Variants in RPS7 observed in about 807,000 individuals in gnomAD.
RPS7 encodes small ribosomal subunit protein eS7.
Under a neutral mutation model 22.1 loss-of-function variants are expected in RPS7, and 1 was observed. The observed-to-expected ratio is 0.05, with a 90% CI of 0.02 to 0.21. RPS7 has a LOEUF of 0.21. Among genes scored for constraint, RPS7 ranks in the 10% least tolerant of loss-of-function variants. The pLI is 1.00. For missense variants in RPS7, 137 were observed against 246.4 expected, an observed-to-expected ratio of 0.56 and a Z score of 2.97; for synonymous variants, 80 against 92.0, an observed-to-expected ratio of 0.87 and a Z score of 0.74.
chr2:3,580,765 T>G (rs1490772060), intron 6 of RPS7, 40 bp from the exon 7 acceptor site: 1 of 1,219,440 alleles, frequency 8.2e-7, no homozygotes, highest in Non-Finnish European at 1.2e-6. Context: ...GCTGAGTGTG[T>G]ATTTCAAAGT....
rs2147819351 is a variant in RPS7 at position 3,575,896 on chromosome 2, G to A, written c.147+8G>A. 1 of 1,600,682 alleles carries A rather than the reference G, an allele frequency of 6.2e-7. No individual in the cohort carries two copies. Among genetic ancestry groups the A allele is most frequent in the South Asian group, 1.1e-5 (1 of 90,048 alleles). On this transcript the variant is annotated splice_region_variant and intron_variant, in intron 3 of 6. Coordinates refer to ENST00000645674, the MANE Select transcript of RPS7 (RefSeq NM_001011.4). ...AATATTACGGCAGCTAAGGTAAGCT[G>A]GCGCTCCCTCGGCTGGGAGGGAGGT... is the stretch of plus-strand genomic sequence containing the variant.
At chr2:3,576,734 T>G in intron 4 of RPS7, 104 bp downstream of exon 4, 1 of 1,305,076 alleles carries the variant, frequency 7.7e-7, no homozygotes. Context: ...AATCCTTTTA[T>G]GAATCCAATT....
At chr2:3,579,871 G>C in intron 5 of RPS7, 1 of 584,364 alleles carries the variant, frequency 1.7e-6, no homozygotes, top group Non-Finnish European at 3.0e-6. Flanking sequence ...GTTTATCCCA[G>C]AGTAACATTT....
chr2:3,578,599 G>A (rs1262880138), intron 5 of RPS7: 1 of 152,080 alleles, frequency 6.6e-6, no homozygotes, highest in East Asian at 1.9e-4. Flanking sequence ...TTATTGTGTC[G>A]AGCTGTGGTA....
chr2:3,576,885 A>G lies in RPS7; in HGVS notation c.291+255A>G, dbSNP rs150144554. 1.5e-3 allele frequency: 807 copies of G among 523,646 alleles called. 6 individuals are homozygous for G. The highest frequency in any genetic ancestry group is 0.014 in the African/African-American group (719 of 52,406). The allele number at this position is 523,646 out of a possible 1,614,324, so 32.4% of individuals were successfully genotyped here. A position where few individuals can be genotyped will look rare whatever the true frequency, so the allele number is the denominator to read the frequency against. ...CTGTCTACAAAAAATAGAAAAAATA[A>G]GTTTTAAAAAGAAAGATAAAGTACG... On this transcript the variant is annotated intron_variant, in intron 4 of 6. Transcript: ENST00000645674.
rs1334571794 is a variant in RPS7, at chr2:3,575,847, C to G, written c.106C>G (p.Leu36Val). The G allele has an allele frequency of 6.2e-7, 1 of 1,612,004 alleles. No individual in the cohort carries two copies. Residue 36 changes from leucine (L) to valine (V), a missense_variant, in exon 3 of 7, where the codon CTC becomes GTC. Coordinates refer to ENST00000645674, the MANE Select transcript of RPS7 (RefSeq NM_001011.4). ...ALLELEMNSD[L>V]KAQLRELNIT... ...TCTGGAGCTGGAGATGAACTCGGACCTCAAGGCTCAGCTCAGGGAGCTGAA... is the reference window on the plus strand; with the variant it reads ...TCTGGAGCTGGAGATGAACTCGGACGTCAAGGCTCAGCTCAGGGAGCTGAA...
chr2:3,577,778 A>G lies in RPS7; in HGVS notation c.356+4A>G, dbSNP rs773794878. The G allele has an allele frequency of 6.3e-7, 1 of 1,597,992 alleles. No individual in the cohort carries two copies. The highest frequency in any genetic ancestry group is 8.6e-7 in the Non-Finnish European group (1 of 1,165,484). ...ATAAGCAAAAGCGTCCCAGGAGGTG[A>G]GTATTTTAGTAGTTTCAGAAATGTG... is the stretch of plus-strand genomic sequence containing the variant. On this transcript the variant is annotated splice_donor_region_variant and intron_variant, in intron 5 of 6. Transcript: ENST00000645674.
rs1290055541 is a variant in RPS7 at position 3,575,898 on chromosome 2, C to T, written c.147+10C>T. 7 of 1,595,708 alleles carry T rather than the reference C, an allele frequency of 4.4e-6. No individual in the cohort carries two copies. The highest frequency in any genetic ancestry group is 4.0e-5 in the African/African-American group (3 of 74,478). On this transcript the variant is annotated intron_variant, in intron 3 of 6. Transcript: ENST00000645674. The stretch of plus-strand genomic sequence containing the variant: ...TATTACGGCAGCTAAGGTAAGCTGG[C>T]GCTCCCTCGGCTGGGAGGGAGGTTG...
At chr2:3,577,173 A>C (rs148910394) in intron 4 of RPS7, 2,991 of 181,098 alleles carry the variant, frequency 0.017, 33 homozygotes, top group Non-Finnish European at 0.025. Flanking sequence ...GTCTGTACTA[A>C]AAAATACAAA....
Position 3,575,307 on chromosome 2 carries a change from C to A in RPS7, c.-62C>A. The A allele has an allele frequency of 2.2e-6, 1 of 463,150 alleles. No individual in the cohort carries two copies. 28.7% of individuals were successfully genotyped at this position (463,150 alleles called of 1,614,324 possible). ...CCTTCGGACGCCGGATTTTGACGTG[C>A]TCTCGCGAGATTTGGGTCTCTTCCT... On this transcript the variant is annotated 5_prime_UTR_variant, in exon 1 of 7. Transcript: ENST00000645674.
In RPS7 at chr2:3,575,516, C is replaced by T. The variant is rs774191992; in HGVS notation, c.-18-76C>T. The T allele has an allele frequency of 3.4e-5, 30 of 881,620 alleles. No homozygotes were observed. The East Asian group carries it at 8.4e-4, about 25-fold the overall frequency. The allele number at this position is 881,620 out of a possible 1,614,324, so 54.6% of individuals were successfully genotyped here. A position where few individuals can be genotyped will look rare whatever the true frequency, so the allele number is the denominator to read the frequency against. On this transcript the variant is annotated intron_variant, in intron 1 of 6. Transcript: ENST00000645674. ...TTCTGCGGGGCGAGCGGGGCCTGGC[C>T]GGGGGGTGCGGGCGGGAGGGCGAGC...
chr2:3,577,442 T>C (rs1661305893), intron 4 of RPS7: 2 of 499,890 alleles, frequency 4.0e-6, no homozygotes, highest in Non-Finnish European at 7.2e-6. Context: ...GTATTCTGGG[T>C]CATAGGCATG....
rs567827920 is a variant in RPS7, at chr2:3,580,282, A to G, written c.507+22A>G. On this transcript the variant is annotated intron_variant, in intron 6 of 6. Transcript: ENST00000645674. The stretch of plus-strand genomic sequence containing the variant: ...CAAGGTAATAGGTCAACATTTTATC[A>G]TGGAAAGGTTCAGCCACAGTGAGAG... 28 of 1,611,516 alleles carry G rather than the reference A, an allele frequency of 1.7e-5. No homozygotes were observed. The South Asian group carries it at 2.7e-4, about 16-fold the overall frequency.
intron 4 of RPS7, chr2:3,577,103 A>T (rs1661296315): frequency 4.7e-6 from 1 of 212,302 alleles, no homozygotes; most frequent in Non-Finnish European, 9.7e-6. Flanking sequence ...TGGGAGGCTG[A>T]GGCAGGCGGA....
At position 3,575,902 on chromosome 2, in the gene RPS7, C is replaced by T; in HGVS notation, c.147+14C>T. Reference sequence around the variant, plus strand: ...ACGGCAGCTAAGGTAAGCTGGCGCTCCCTCGGCTGGGAGGGAGGTTGCGGC... The same window carrying T: ...ACGGCAGCTAAGGTAAGCTGGCGCTTCCTCGGCTGGGAGGGAGGTTGCGGC... On this transcript the variant is annotated intron_variant, in intron 3 of 6. Transcript: ENST00000645674. The T allele has an allele frequency of 6.3e-7, 1 of 1,591,168 alleles. No individual in the cohort carries two copies. The highest frequency in any genetic ancestry group is 1.1e-5 in the South Asian group (1 of 89,544).
rs1661389573 is a variant in RPS7 at position 3,580,789 on chromosome 2, CTTTCT to C, written c.508-9_508-5del. ...GTATTTCAAAGTTCTGTGATGAATT[CTTTCT>C]TTTCTTGTAGGTTGAAACTTTTTCT... is the stretch of plus-strand genomic sequence containing the variant. On this transcript the variant is annotated splice_polypyrimidine_tract_variant and intron_variant, in intron 6 of 6. Coordinates refer to ENST00000645674, the MANE Select transcript of RPS7 (RefSeq NM_001011.4). 1 of 1,516,918 alleles carries C rather than the reference CTTTCT, an allele frequency of 6.6e-7. No individual in the cohort carries two copies. 94.0% of individuals were successfully genotyped at this position (1,516,918 alleles called of 1,614,324 possible).
At chr2:3,576,093 A>T (rs1661272234) in intron 3 of RPS7, 1 of 623,728 alleles carries the variant, frequency 1.6e-6, no homozygotes, top group African/African-American at 1.8e-5. Flanking sequence ...TAAGCTGTCC[A>T]CATGCGGGCG....
At chr2:3,577,250 C>G (rs1033923880) in intron 4 of RPS7, 1 of 176,962 alleles carries the variant, frequency 5.7e-6, no homozygotes, top group South Asian at 1.1e-4. Flanking sequence ...GCAGGAGAAT[C>G]GCGTGAACCC....
chr2:3,577,633 A>G (rs1175042895), intron 4 of RPS7, 77 bp from the exon 5 acceptor site: 15 of 1,045,846 alleles, frequency 1.4e-5, no homozygotes, highest in Non-Finnish European at 1.8e-5. Context: ...TTGCTTTTAA[A>G]GCAGTATGGC....
Sources: gnomAD v4.1 joint callset for allele counts on GRCh38, gnomAD v4.1.1 for gene constraint, MANE v1.5 for transcripts, NCBI Gene and HGNC (gene_info 2026-07-23, HGNC 2026-07-21) for gene names.